Variants in PPP2R2B observed in about 807,000 individuals in gnomAD.
PPP2R2B encodes the protein protein phosphatase 2 regulatory subunit Bbeta.
In PPP2R2B, 5 loss-of-function variants were observed where a neutral mutation model predicts 46.0. That is an observed-to-expected ratio of 0.11 (90% confidence interval 0.06 to 0.23). The LOEUF (loss-of-function observed/expected upper bound fraction) is 0.23. PPP2R2B is among the 10% of genes least tolerant of loss of function. PPP2R2B has a pLI of 1.00. For missense variants in PPP2R2B, 367 were observed against 575.0 expected, an observed-to-expected ratio of 0.64 and a Z score of 3.70; for synonymous variants, 215 against 206.7, an observed-to-expected ratio of 1.04 and a Z score of -0.34.
intron 1 of PPP2R2B, among the ~76,000 whole-genome samples, chr5:147,003,195 C>T (rs1176352953): frequency 6.6e-6 from 1 of 152,132 alleles, no homozygotes; most frequent in Non-Finnish European, 1.5e-5. Context: ...GAGGACCTCT[C>T]AGCTTACCTC....
chr5:146,600,598 T>C (rs867978470), intron 7 of PPP2R2B, 138 bp from the exon 8 acceptor site: 1 of 795,122 alleles, frequency 1.3e-6, no homozygotes, highest in Middle Eastern at 2.6e-4. Flanking sequence ...AAGTTGCTAA[T>C]AGAGAACTGT....
intron 2 of PPP2R2B, among the ~76,000 whole-genome samples, chr5:146,721,030 T>C (rs909381397): frequency 6.6e-6 from 1 of 152,174 alleles, no homozygotes; most frequent in Admixed American, 6.5e-5. Context: ...TTATTTTTTA[T>C]TTCTTGAAAA....
intron 1 of PPP2R2B, among the ~76,000 whole-genome samples, chr5:147,000,533 G>A (rs928183088): frequency 4.6e-5 from 7 of 151,932 alleles, no homozygotes; most frequent in African/African-American, 1.4e-4. Context: ...ATATTAGGTT[G>A]GTGCAAAAGT....
rs188341962 is a variant in PPP2R2B, at chr5:146,873,126, C to G, written c.70+4876G>C. ...CAGTCTGTTTCCGCTTTTAGTGATG[C>G]GCCCCATTATGCATCCATTTTCATG... On this transcript the variant is annotated intron_variant, in intron 2 of 9. Coordinates refer to ENST00000394411, the MANE Select transcript of PPP2R2B (RefSeq NM_181675.4). Among the ~76,000 whole-genome samples, 104 of 152,286 alleles carry G rather than the reference C, an allele frequency of 6.8e-4. 4 individuals carry two copies. The highest frequency in any genetic ancestry group is 1.7e-3 in the Admixed American group (26 of 15,298).
chr5:146,955,460 T>C (rs190097108), intron 1 of PPP2R2B, among the ~76,000 whole-genome samples: 58 of 152,296 alleles, frequency 3.8e-4, no homozygotes, highest in African/African-American at 1.3e-3. Flanking sequence ...TGTTCTGTAA[T>C]GAAAACTATA....
chr5:147,052,437 A>G (rs1297309505), intron 1 of PPP2R2B, among the ~76,000 whole-genome samples: 1 of 152,202 alleles, frequency 6.6e-6, no homozygotes, highest in Admixed American at 6.5e-5. Flanking sequence ...CTAACAAAAC[A>G]GTCACATTGG....
chr5:146,789,745 T>C (rs1480726285), intron 2 of PPP2R2B, among the ~76,000 whole-genome samples: 1 of 152,024 alleles, frequency 6.6e-6, no homozygotes, highest in Non-Finnish European at 1.5e-5. Context: ...GGATTTAATA[T>C]TAAATAGGTG....
intron 1 of PPP2R2B, among the ~76,000 whole-genome samples, chr5:146,929,284 A>C (rs1561524603): frequency 6.6e-6 from 1 of 152,178 alleles, no homozygotes; most frequent in Non-Finnish European, 1.5e-5. Context: ...AACGTAACTC[A>C]AAATGGGTGG....
chr5:147,037,244 G>T (rs1369902396), intron 1 of PPP2R2B, among the ~76,000 whole-genome samples: 17 of 152,024 alleles, frequency 1.1e-4, no homozygotes, highest in Non-Finnish European at 7.4e-5. Flanking sequence ...TATACCACAG[G>T]CTTATTTAGG....
chr5:146,916,264 A>G (rs1007413588), intron 1 of PPP2R2B, among the ~76,000 whole-genome samples: 54 of 151,178 alleles, frequency 3.6e-4, no homozygotes, highest in African/African-American at 1.3e-3. Context: ...GAGTGAAAAA[A>G]AAGAAAATTC....
intron 2 of PPP2R2B, among the ~76,000 whole-genome samples, chr5:147,061,717 G>A (rs1019450638): frequency 6.6e-6 from 1 of 152,062 alleles, no homozygotes; most frequent in Non-Finnish European, 1.5e-5. Context: ...GAAGATGGGG[G>A]TCGGCTCCAT....
At chr5:146,953,894 G>C (rs1038109760) in intron 1 of PPP2R2B, among the ~76,000 whole-genome samples, 3 of 152,150 alleles carry the variant, frequency 2.0e-5, no homozygotes, top group Admixed American at 2.0e-4. Context: ...GCCAGAAAAT[G>C]GGTAGAGATG....
At chr5:146,974,838 CCCA>C (rs1464899099) in intron 1 of PPP2R2B, among the ~76,000 whole-genome samples, 2 of 151,634 alleles carry the variant, frequency 1.3e-5, no homozygotes, top group Admixed American at 6.6e-5. Context: ...ACAGGTGCCC[CCCA>C]CCACACCTGG....
At chr5:146,832,124 CA>C (rs1431186854) in intron 2 of PPP2R2B, among the ~76,000 whole-genome samples, 1 of 152,058 alleles carries the variant, frequency 6.6e-6, no homozygotes, top group Non-Finnish European at 1.5e-5. Flanking sequence ...TATTACAAAA[CA>C]GTCAAAAAGT....
chr5:146,723,685 C>T (rs969718973), intron 2 of PPP2R2B, among the ~76,000 whole-genome samples: 17 of 152,080 alleles, frequency 1.1e-4, no homozygotes, highest in Admixed American at 2.6e-4. Flanking sequence ...GCCCAATGGT[C>T]GATGTACTTG....
At chr5:146,713,118 G>T (rs896104578) in intron 2 of PPP2R2B, among the ~76,000 whole-genome samples, 3 of 152,216 alleles carry the variant, frequency 2.0e-5, no homozygotes, top group East Asian at 3.8e-4. Flanking sequence ...CAGGGAGGCT[G>T]CAATTTCAAT....
rs1457281726 is a variant in PPP2R2B at position 147,005,306 on chromosome 5, A to ACT, written c.79+50358_79+50359insAG. ...AGGTTATGCCATAGTTAGTGATGTA[A>ACT]ACATACTTGAAAGTAAACCTCTTCC... On this transcript the variant is annotated intron_variant, in intron 1 of 8. Transcript: ENST00000336640. Among the ~76,000 whole-genome samples, 186 of 152,348 alleles carry ACT rather than the reference A, an allele frequency of 1.2e-3. 3 individuals carry two copies. In the East Asian group the frequency reaches 0.028, roughly 23 times the overall value.
Position 146,624,261 on chromosome 5 carries a change from T to C in PPP2R2B, c.790+13990A>G, listed in dbSNP as rs376363237. Among the ~76,000 whole-genome samples, 79 of 152,294 alleles carry C rather than the reference T, an allele frequency of 5.2e-4. No individual in the cohort carries two copies. In the South Asian group the frequency reaches 0.016, roughly 31 times the overall value. ...TATCAACTTTTATCATTTTATGCCT[T>C]TTTAAAAACATAAATCTGAGAGTCC... On this transcript the variant is annotated intron_variant, in intron 7 of 9. Coordinates refer to ENST00000394411, the MANE Select transcript of PPP2R2B (RefSeq NM_181675.4).
At chr5:146,853,583 AC>A (rs1760476894) in intron 2 of PPP2R2B, among the ~76,000 whole-genome samples, 1 of 152,026 alleles carries the variant, frequency 6.6e-6, no homozygotes, top group Non-Finnish European at 1.5e-5. Flanking sequence ...TGATTTCAAA[AC>A]CCTAATTGAG....
Sources: gnomAD v4.1 joint callset for allele counts (sites outside exome capture counted in the v4.1 genomes callset) on GRCh38, gnomAD v4.1.1 for gene constraint, MANE v1.5 for transcripts, NCBI Gene and HGNC (gene_info 2026-07-23, HGNC 2026-07-21) for gene names.